Variants in MAPRE2 observed in about 807,000 individuals in gnomAD.
MAPRE2 encodes the protein microtubule-associated protein RP/EB family member 2.
Under a neutral mutation model 43.2 loss-of-function variants are expected in MAPRE2, and 13 were observed. That is an observed-to-expected ratio of 0.30 (90% CI 0.20 to 0.48). The LOEUF is 0.48. Among genes scored for constraint, MAPRE2 ranks in the 20% least tolerant of loss-of-function variants. The pLI, the probability that MAPRE2 is intolerant of heterozygous loss-of-function variation, is 0.99. For missense variants in MAPRE2, 161 were observed against 400.2 expected, an observed-to-expected ratio of 0.40 and a Z score of 5.10; for synonymous variants, 135 against 148.8, an observed-to-expected ratio of 0.91 and a Z score of 0.68.
intron 1 of MAPRE2, among the ~76,000 whole-genome samples, chr18:34,999,420 A>G (rs1013382953): frequency 3.9e-5 from 6 of 152,228 alleles, no homozygotes; most frequent in Non-Finnish European, 5.9e-5. Context: ...CTTAAAAAAT[A>G]TTTTAATTCT....
chr18:35,076,233 C>T (rs1231895910), intron 2 of MAPRE2, among the ~76,000 whole-genome samples: 1 of 152,126 alleles, frequency 6.6e-6, no homozygotes, highest in Non-Finnish European at 1.5e-5. Flanking sequence ...GCCCTGGGGA[C>T]CCAGCGATAA....
chr18:35,123,995 G>A (rs1170745953), intron 4 of MAPRE2, among the ~76,000 whole-genome samples: 1 of 152,156 alleles, frequency 6.6e-6, no homozygotes, highest in Non-Finnish European at 1.5e-5. Flanking sequence ...AGCTGAGACT[G>A]GCAGGGTGGT....
chr18:34,985,328 T>G (rs1363196674), intron 1 of MAPRE2, among the ~76,000 whole-genome samples: 7 of 38,198 alleles, frequency 1.8e-4, no homozygotes, highest in African/African-American at 7.0e-4. Context: ...ATATATATAA[T>G]ATAATATATA....
intron 1 of MAPRE2, chr18:34,978,616 A>G: frequency 7.7e-7 from 1 of 1,304,078 alleles, no homozygotes; most frequent in Non-Finnish European, 1.1e-6. Context: ...TCAAGCAAAA[A>G]GGGGTATGGC....
At chr18:35,090,062 A>G (rs1908070154) in intron 2 of MAPRE2, among the ~76,000 whole-genome samples, 1 of 152,218 alleles carries the variant, frequency 6.6e-6, no homozygotes. Flanking sequence ...GATTCTATTT[A>G]TATGAATTGT....
Position 35,010,592 on chromosome 18 carries a change from A to G in MAPRE2, c.-8+5039A>G, listed in dbSNP as rs114407867. On this transcript the variant is annotated intron_variant, in intron 2 of 7. Coordinates refer to the MAPRE2 transcript ENST00000413393. ...TGGGATTCCTTTTGTTTATTCATCA[A>G]GTTGCCTTATAAGACTTCTGAGAAT... Among the ~76,000 whole-genome samples the G allele has an allele frequency of 6.7e-3, 1,026 of 152,298 alleles. 11 individuals carry two copies. Among genetic ancestry groups the G allele is most frequent in the African/African-American group, 0.023 (973 of 41,564 alleles).
intron 2 of MAPRE2, among the ~76,000 whole-genome samples, chr18:35,030,593 A>G (rs182756307): frequency 1.8e-4 from 28 of 152,330 alleles, no homozygotes; most frequent in Middle Eastern, 3.4e-3. Flanking sequence ...CTCATTGTTA[A>G]GCATAGCACT....
chr18:35,041,445 G>C lies in MAPRE2; in HGVS notation c.-95G>C, dbSNP rs976098468. 1.2e-5 allele frequency: 19 copies of C among 1,597,426 alleles called. No individual in the cohort carries two copies. Among genetic ancestry groups the C allele is most frequent in the African/African-American group, 6.7e-5 (5 of 74,552 alleles). ...CAGTGAGCGAGCAGGCGGCAGGCAC[G>C]GTCCGTGCGGAGCAGGCGAGCGAGC... On this transcript the variant is annotated 5_prime_UTR_variant, in exon 1 of 7. Transcript: ENST00000300249.
At chr18:35,089,818 A>T (rs987320853) in intron 2 of MAPRE2, among the ~76,000 whole-genome samples, 4 of 152,234 alleles carry the variant, frequency 2.6e-5, no homozygotes, top group Admixed American at 2.0e-4. Context: ...AAACATGTCC[A>T]TGAAAAAACT....
At chr18:34,990,834 A>G (rs911707850) in intron 1 of MAPRE2, among the ~76,000 whole-genome samples, 2 of 152,198 alleles carry the variant, frequency 1.3e-5, no homozygotes, top group African/African-American at 4.8e-5. Context: ...CAGCCTGGAC[A>G]ATATACTGAG....
chr18:35,045,464 C>T (rs996968509), intron 1 of MAPRE2, among the ~76,000 whole-genome samples: 6 of 152,008 alleles, frequency 3.9e-5, no homozygotes, highest in African/African-American at 1.2e-4. Flanking sequence ...AATTACTTGG[C>T]CCCAGGAAAT....
chr18:35,018,384 C>T (rs1285790600), intron 2 of MAPRE2, among the ~76,000 whole-genome samples: 1 of 151,684 alleles, frequency 6.6e-6, no homozygotes, highest in East Asian at 1.9e-4. Flanking sequence ...GAATTGATAC[C>T]AGTTCTTCTT....
intron 1 of MAPRE2, among the ~76,000 whole-genome samples, chr18:35,064,753 T>C (rs1906749696): frequency 6.6e-6 from 1 of 152,178 alleles, no homozygotes; most frequent in African/African-American, 2.4e-5. Context: ...TGTGTCTGAT[T>C]CAATCACTAC....
intron 2 of MAPRE2, among the ~76,000 whole-genome samples, chr18:35,022,593 G>A (rs188469503): frequency 2.0e-5 from 3 of 152,118 alleles, no homozygotes; most frequent in African/African-American, 7.2e-5. Flanking sequence ...TTAATGAGAG[G>A]ATTATATTGC....
chr18:35,110,350 T>C lies in MAPRE2; in HGVS notation c.610+8191T>C, dbSNP rs80074569. 3.0e-3 allele frequency among the ~76,000 whole-genome samples: 455 copies of C among 152,286 alleles called. 14 individuals are homozygous for C. The East Asian group carries it at 0.069, about 23-fold the overall frequency. ...TTGTATTGACTACATGTAGAAATTA[T>C]ATTTCATATATGTTGTATATGTTTT... On this transcript the variant is annotated intron_variant, in intron 4 of 6. Coordinates refer to ENST00000300249, the MANE Select transcript of MAPRE2 (RefSeq NM_014268.4).
At chr18:35,026,192 C>T (rs1167769372) in intron 2 of MAPRE2, among the ~76,000 whole-genome samples, 1 of 152,024 alleles carries the variant, frequency 6.6e-6, no homozygotes, top group East Asian at 1.9e-4. Flanking sequence ...ACATACCTGT[C>T]CCCCTGTGAA....
intron 2 of MAPRE2, 106 bp from the exon 3 acceptor site, chr18:35,097,340 G>A (rs1016973721): frequency 1.0e-6 from 1 of 975,892 alleles, no homozygotes. Flanking sequence ...ACTCTGCTCT[G>A]AGTGATGATG....
chr18:35,127,209 T>A, intron 5 of MAPRE2, 122 bp downstream of exon 5: 1 of 931,936 alleles, frequency 1.1e-6, no homozygotes, highest in Non-Finnish European at 1.6e-6. Context: ...TGGTTTCAAG[T>A]AAGTGAGAAT....
Position 35,097,585 on chromosome 18 carries a change from T to C in MAPRE2, c.390T>C (p.Val130=), listed in dbSNP as rs1382554940. The part of the protein sequence containing the change: ...LLQASFKRMN[V]DKVIPVEKLV... ...AAGCATCATTTAAGCGAATGAACGT[T>C]GATAAGGTAGGAGACTTGTACCTCC... Residue 130 remains valine, a synonymous_variant, in exon 3 of 7, where the codon GTT becomes GTC. Coordinates refer to ENST00000300249, the MANE Select transcript of MAPRE2 (RefSeq NM_014268.4). The C allele has an allele frequency of 6.2e-7, 1 of 1,612,008 alleles. No homozygotes were observed. Among genetic ancestry groups the C allele is most frequent in the Admixed American group, 1.7e-5 (1 of 59,772 alleles).
Sources: gnomAD v4.1 joint callset for allele counts (sites outside exome capture counted in the v4.1 genomes callset) on GRCh38, gnomAD v4.1.1 for gene constraint, MANE v1.5 for transcripts, NCBI Gene and HGNC (gene_info 2026-07-23, HGNC 2026-07-21) for gene names.